Variants in HERC4 observed in about 807,000 individuals in gnomAD.
HERC4 encodes the protein probable E3 ubiquitin-protein ligase HERC4.
HERC4 carries 28 observed loss-of-function variants against 124.3 expected under a neutral mutation model. That is an observed-to-expected ratio of 0.23 (90% CI 0.17 to 0.31). The LOEUF is 0.31. Ranked by LOEUF, HERC4 falls within the 10% of genes least tolerant of loss-of-function variation. The probability of loss-of-function intolerance (pLI) is 1.00; values close to 1 mark genes in which losing one functional copy is unlikely to be tolerated. For missense variants in HERC4, 713 were observed against 1,229.3 expected, an observed-to-expected ratio of 0.58 and a Z score of 6.28; for synonymous variants, 407 against 421.5, an observed-to-expected ratio of 0.97 and a Z score of 0.42.
intron 19 of HERC4, among the ~76,000 whole-genome samples, chr10:67,948,471 G>A (rs1158583816): frequency 6.6e-6 from 1 of 152,008 alleles, no homozygotes; most frequent in African/African-American, 2.4e-5. Context: ...AAACCACAAT[G>A]CAATACCACC....
intron 4 of HERC4, among the ~76,000 whole-genome samples, chr10:68,043,169 A>T (rs1453737148): frequency 6.6e-6 from 1 of 152,184 alleles, no homozygotes; most frequent in African/African-American, 2.4e-5. Flanking sequence ...CTTAAAAGTG[A>T]ACAGCAACAA....
At chr10:68,046,502 T>C (rs979146351) in intron 3 of HERC4, among the ~76,000 whole-genome samples, 31 of 152,208 alleles carry the variant, frequency 2.0e-4, no homozygotes, top group African/African-American at 6.5e-4. Flanking sequence ...AACAGTTGTA[T>C]TGTACACTTC....
chr10:67,946,909 A>G (rs2033407449), intron 19 of HERC4, among the ~76,000 whole-genome samples: 1 of 152,096 alleles, frequency 6.6e-6, no homozygotes, highest in Non-Finnish European at 1.5e-5. Flanking sequence ...TCTGTCTCAA[A>G]ACAAAACAAA....
intron 7 of HERC4, among the ~76,000 whole-genome samples, chr10:68,028,402 C>T (rs1010047723): frequency 2.0e-5 from 3 of 152,080 alleles, no homozygotes; most frequent in Admixed American, 6.6e-5. Flanking sequence ...ATTATTTCTT[C>T]TCGATATCCA....
chr10:68,057,441 T>C (rs1432268376), intron 3 of HERC4, among the ~76,000 whole-genome samples: 1 of 151,854 alleles, frequency 6.6e-6, no homozygotes, highest in African/African-American at 2.4e-5. Flanking sequence ...CTGGCCAACA[T>C]GGTGAAACCC....
At position 67,991,006 on chromosome 10, in the gene HERC4, A is replaced by T; in HGVS notation, c.1341T>A (p.Asp447Glu). The T allele has an allele frequency of 6.7e-7, 1 of 1,491,158 alleles. No homozygotes were observed. The highest frequency in any genetic ancestry group is 9.0e-7 in the Non-Finnish European group (1 of 1,116,596). 92.4% of individuals were successfully genotyped at this position (1,491,158 alleles called of 1,614,324 possible). A position where few individuals can be genotyped will look rare whatever the true frequency, so the allele number is the denominator to read the frequency against. The change falls in exon 13 of 25, where the codon GAT becomes GAA. Residue 447 changes from aspartate (D) to glutamate (E), a missense_variant. Asp to Glu is a conservative substitution (Grantham distance 45). Coordinates refer to ENST00000373700, the MANE Select transcript of HERC4 (RefSeq NM_015601.4). ...AAAATCTGGTACCTGTTCTATAGTG[A>T]TCATCATTGCTAAAAAACAGAAAAG... ...NGSFLAVSND[D>E]HYRTGTRFSG...
chr10:68,043,846 C>T lies in HERC4; in HGVS notation c.386+558G>A, dbSNP rs189630118. Among the ~76,000 whole-genome samples the T allele has an allele frequency of 3.3e-3, 498 of 152,088 alleles. 1 individual carries two copies. Among genetic ancestry groups the T allele is most frequent in the African/African-American group, 0.011 (474 of 41,506 alleles). On this transcript the variant is annotated intron_variant, in intron 4 of 24. Transcript: ENST00000373700. ...CAAACAAACAAAAAACGATTATGCC[C>T]TATGTAACTGTGTAAGACTAAAACA... is the stretch of plus-strand genomic sequence containing the variant.
intron 3 of HERC4, among the ~76,000 whole-genome samples, chr10:68,059,241 T>A (rs1359278843): frequency 2.0e-5 from 3 of 151,602 alleles, no homozygotes; most frequent in Non-Finnish European, 4.4e-5. Context: ...CCATTTGACA[T>A]TTTCATTGAG....
chr10:68,065,743 C>T (rs2041269338), intron 3 of HERC4, among the ~76,000 whole-genome samples: 1 of 151,874 alleles, frequency 6.6e-6, no homozygotes, highest in Non-Finnish European at 1.5e-5. Flanking sequence ...ACATGTGGTC[C>T]CAGCTACTCA....
chr10:68,069,343 ATGAAAG>A, intron 3 of HERC4: 1 of 984,330 alleles, frequency 1.0e-6, no homozygotes, highest in Non-Finnish European at 1.2e-6. Context: ...AGAAAAAAAC[ATGAAAG>A]TGAAACAGAC....
chr10:67,954,144 T>C (rs1589168475), intron 19 of HERC4: 1 of 152,490 alleles, frequency 6.6e-6, no homozygotes, highest in East Asian at 1.9e-4. Flanking sequence ...GCTGCTATTG[T>C]AGCATGAAAG....
chr10:68,009,449 T>A (rs1017945508), intron 9 of HERC4, among the ~76,000 whole-genome samples: 1 of 152,078 alleles, frequency 6.6e-6, no homozygotes, highest in Non-Finnish European at 1.5e-5. Flanking sequence ...GCAATAGCAT[T>A]GTATCTTAAA....
At chr10:67,949,013 G>C (rs1234103241) in intron 19 of HERC4, among the ~76,000 whole-genome samples, 1 of 152,108 alleles carries the variant, frequency 6.6e-6, no homozygotes, top group African/African-American at 2.4e-5. Context: ...CAGCACTTTG[G>C]GAGGCCGAGG....
chr10:68,002,118 C>T (rs1229115386), intron 9 of HERC4, among the ~76,000 whole-genome samples: 1 of 152,078 alleles, frequency 6.6e-6, no homozygotes, highest in African/African-American at 2.4e-5. Flanking sequence ...AAAATGCATT[C>T]CTAAGTAATG....
intron 3 of HERC4, among the ~76,000 whole-genome samples, chr10:68,065,326 T>C (rs2041247266): frequency 6.6e-6 from 1 of 152,090 alleles, no homozygotes; most frequent in Admixed American, 6.5e-5. Flanking sequence ...TTCAGAATAG[T>C]ATAACACCTA....
intron 3 of HERC4, among the ~76,000 whole-genome samples, chr10:68,058,753 C>T (rs572335640): frequency 1.1e-4 from 17 of 151,946 alleles, no homozygotes; most frequent in Admixed American, 7.9e-4. Context: ...GAAGAGAACA[C>T]CTAGGCACAG....
At chr10:68,045,386 A>C (rs1166933898) in intron 3 of HERC4, among the ~76,000 whole-genome samples, 1 of 152,224 alleles carries the variant, frequency 6.6e-6, no homozygotes, top group Non-Finnish European at 1.5e-5. Flanking sequence ...ATGGAAAACA[A>C]ATTTTTTAAA....
chr10:68,048,199 C>A (rs1186127652), intron 3 of HERC4, among the ~76,000 whole-genome samples: 1 of 152,146 alleles, frequency 6.6e-6, no homozygotes, highest in Non-Finnish European at 1.5e-5. Flanking sequence ...GATTTACAGG[C>A]ATGAGCCACC....
chr10:67,928,506 G>A (rs1013170973), intron 23 of HERC4, among the ~76,000 whole-genome samples: 4 of 152,218 alleles, frequency 2.6e-5, no homozygotes, highest in East Asian at 1.9e-4. Context: ...GACATGCATG[G>A]TCCAATTATT....
Sources: allele counts gnomAD v4.1 joint callset (sites outside exome capture counted in the v4.1 genomes callset), GRCh38; gene constraint gnomAD v4.1.1; transcripts MANE v1.5; gene names NCBI Gene and HGNC (gene_info 2026-07-23, HGNC 2026-07-21).